Variants in SNRK observed in about 807,000 individuals in gnomAD.
SNRK encodes SNF related kinase.
SNRK carries 3 observed loss-of-function variants against 48.2 expected under a neutral mutation model. The ratio of observed to expected loss-of-function variants is 0.06; its 90% CI spans 0.03 to 0.16. The LOEUF is 0.16. Among genes scored for constraint, SNRK ranks in the 10% least tolerant of loss-of-function variants. The probability of loss-of-function intolerance (pLI) is 1.00; values close to 1 mark genes in which losing one functional copy is unlikely to be tolerated. For synonymous variants in SNRK, 376 were observed against 366.1 expected (o/e 1.03, Z -0.31); for missense variants, 627 against 976.0 (o/e 0.64, Z 4.76).
In SNRK at chr3:43,303,796, G is replaced by C. The variant is rs1378283126; in HGVS notation, c.589+4G>C. 1.3e-6 allele frequency: 2 copies of C among 1,595,128 alleles called. No homozygotes were observed. Among genetic ancestry groups the C allele is most frequent in the Admixed American group, 3.4e-5 (2 of 59,610 alleles). On this transcript the variant is annotated splice_donor_region_variant and intron_variant, in intron 3 of 6. Transcript: ENST00000296088. This position sits in a 1 kb window ranked among gnomAD's most constrained non-coding sequence, Gnocchi z 6.2. ...GAGTATGATGCACCTGCAGTAGGTA[G>C]GTAACCTCGGTCCAGTATTTGGCCA...
intron 3 of SNRK, among the ~76,000 whole-genome samples, chr3:43,322,841 A>G (rs970927775): frequency 6.7e-6 from 1 of 149,188 alleles, no homozygotes; most frequent in South Asian, 2.2e-4. Context: ...AGTCCCAGCT[A>G]CTCAGGAGGC....
intron 5 of SNRK, among the ~76,000 whole-genome samples, chr3:43,343,077 A>G (rs1315393518): frequency 6.6e-6 from 1 of 152,190 alleles, no homozygotes; most frequent in African/African-American, 2.4e-5. Flanking sequence ...ACTGACGTCT[A>G]ACTCAGCTGC....
intron 4 of SNRK, chr3:43,333,052 A>C (rs2091158742): frequency 6.6e-6 from 1 of 152,138 alleles, no homozygotes; most frequent in Non-Finnish European, 1.5e-5. Flanking sequence ...AGCTGGTAAG[A>C]AGGAAATCTG....
At chr3:43,339,639 A>C (rs898522071) in intron 4 of SNRK, among the ~76,000 whole-genome samples, 2 of 151,368 alleles carry the variant, frequency 1.3e-5, no homozygotes, top group African/African-American at 4.9e-5. Context: ...AACATAGTGA[A>C]ACCCCGTCTC....
chr3:43,323,906 T>A (rs565155090), intron 3 of SNRK, among the ~76,000 whole-genome samples: 10 of 152,238 alleles, frequency 6.6e-5, no homozygotes, highest in African/African-American at 2.4e-4. Context: ...ACAATAGCTG[T>A]GGTTGTCAGG....
Position 43,347,128 on chromosome 3 carries a change from A to T in SNRK, c.1080-211A>T, listed in dbSNP as rs1207824910. 2.1e-6 allele frequency: 1 copy of T among 470,614 alleles called. No individual in the cohort carries two copies. The highest frequency in any genetic ancestry group is 2.0e-5 in the African/African-American group (1 of 50,990). 29.2% of individuals were successfully genotyped at this position (470,614 alleles called of 1,614,324 possible). ...CCTGTGATGAAGTTTTCACTTGGCC[A>T]ATAAGCCACAAACTGAACCATGTTT... On this transcript the variant is annotated intron_variant, in intron 6 of 6. Coordinates refer to ENST00000296088, the MANE Select transcript of SNRK (RefSeq NM_017719.5). This position sits in a 1 kb window ranked among gnomAD's most constrained non-coding sequence, Gnocchi z 5.4.
chr3:43,321,629 C>A (rs890402191), intron 3 of SNRK, among the ~76,000 whole-genome samples: 4 of 152,192 alleles, frequency 2.6e-5, no homozygotes, highest in Non-Finnish European at 4.4e-5. Context: ...CAGGGACCTC[C>A]TAAAGTCAAG....
intron 6 of SNRK, among the ~76,000 whole-genome samples, chr3:43,346,032 C>T (rs1487473015): frequency 2.0e-5 from 3 of 152,074 alleles, no homozygotes; most frequent in Non-Finnish European, 2.9e-5. Flanking sequence ...CCTGTAGAGC[C>T]GAGGACAGCA....
Position 43,350,295 on chromosome 3 carries a change from A to G in SNRK, c.*1738A>G, listed in dbSNP as rs1232029381. ...TTGAGCAGGGATCTTATAAAGGGCC[A>G]GAAATAAGATGTGTGGTTCACATAG... On this transcript the variant is annotated 3_prime_UTR_variant, in exon 7 of 7. Coordinates refer to ENST00000296088, the MANE Select transcript of SNRK (RefSeq NM_017719.5). 6.6e-6 allele frequency: 1 copy of G among 152,656 alleles called. No individual in the cohort carries two copies. The highest frequency in any genetic ancestry group is 1.5e-5 in the Non-Finnish European group (1 of 68,040). The allele number at this position is 152,656 out of a possible 1,614,324, so 9.5% of individuals were successfully genotyped here. A position where few individuals can be genotyped will look rare whatever the true frequency, so the allele number is the denominator to read the frequency against.
At chr3:43,327,592 CCT>C (rs1263790157) in intron 3 of SNRK, among the ~76,000 whole-genome samples, 1 of 152,166 alleles carries the variant, frequency 6.6e-6, no homozygotes, top group Non-Finnish European at 1.5e-5. Flanking sequence ...TTCTAATCCT[CCT>C]CTTTTGTTGT....
At chr3:43,343,825 G>GT (rs1432013974) in intron 6 of SNRK, among the ~76,000 whole-genome samples, 2 of 152,096 alleles carry the variant, frequency 1.3e-5, no homozygotes, top group Admixed American at 6.6e-5. Flanking sequence ...ATTTTCTTTA[G>GT]TTTTTCATTC....
At chr3:43,311,193 C>T (rs2090976523) in intron 3 of SNRK, among the ~76,000 whole-genome samples, 1 of 152,088 alleles carries the variant, frequency 6.6e-6, no homozygotes, top group Non-Finnish European at 1.5e-5. Flanking sequence ...TACAGAAAAC[C>T]TGGAACACAT....
At chr3:43,291,474 G>A (rs564004991) in intron 1 of SNRK, among the ~76,000 whole-genome samples, 4 of 152,256 alleles carry the variant, frequency 2.6e-5, no homozygotes, top group African/African-American at 9.6e-5. Flanking sequence ...ATGAGATGGA[G>A]AACTATATAT....
At chr3:43,309,639 T>TA (rs2090964661) in intron 3 of SNRK, among the ~76,000 whole-genome samples, 2 of 149,852 alleles carry the variant, frequency 1.3e-5, no homozygotes, top group African/African-American at 4.9e-5. Context: ...TTCTTTGAGA[T>TA]AGGGACTCTC....
intron 4 of SNRK, among the ~76,000 whole-genome samples, chr3:43,339,747 T>TC (rs1013713577): frequency 3.5e-5 from 5 of 143,514 alleles, no homozygotes; most frequent in African/African-American, 1.0e-4. Flanking sequence ...ACCCAGGAGT[T>TC]AGAGGTTGCA....
At chr3:43,290,771 C>T (rs902800277) in intron 1 of SNRK, among the ~76,000 whole-genome samples, 1 of 152,138 alleles carries the variant, frequency 6.6e-6, no homozygotes, top group African/African-American at 2.4e-5. Context: ...GCTCTTTATG[C>T]TAGCCTTCAT....
intron 5 of SNRK, among the ~76,000 whole-genome samples, chr3:43,342,419 A>G (rs987816256): frequency 1.3e-5 from 2 of 152,194 alleles, no homozygotes; most frequent in African/African-American, 2.4e-5. Flanking sequence ...GAAGAAACTA[A>G]TAAGTCATTC....
intron 3 of SNRK, among the ~76,000 whole-genome samples, chr3:43,326,278 ATG>A (rs373729076): frequency 2.6e-5 from 4 of 151,064 alleles, no homozygotes; most frequent in African/African-American, 2.4e-5. Flanking sequence ...AGCTTTGTGT[ATG>A]TGTGTGTGTG....
intron 1 of SNRK, among the ~76,000 whole-genome samples, chr3:43,288,996 G>A (rs2090788416): frequency 6.6e-6 from 1 of 152,212 alleles, no homozygotes; most frequent in Admixed American, 6.5e-5. Flanking sequence ...GAATGTTTGT[G>A]TGTCTCTTTT....
Sources: allele counts gnomAD v4.1 joint callset (sites outside exome capture counted in the v4.1 genomes callset), GRCh38; gene constraint gnomAD v4.1.1; non-coding constraint Gnocchi (gnomAD v3.1); transcripts MANE v1.5; gene names NCBI Gene and HGNC (gene_info 2026-07-23, HGNC 2026-07-21).